Variants in CAMK2A observed in about 807,000 individuals in gnomAD.
CAMK2A encodes the protein calcium/calmodulin-dependent protein kinase type II subunit alpha.
A neutral mutation model predicts 79.2 loss-of-function variants in CAMK2A; 7 were observed. The observed-to-expected ratio is 0.09, with a 90% confidence interval of 0.05 to 0.17. The LOEUF is 0.17. Among genes scored for constraint, CAMK2A ranks in the 10% least tolerant of loss-of-function variants. The probability of loss-of-function intolerance (pLI) is 1.00; values close to 1 mark genes in which losing one functional copy is unlikely to be tolerated. For synonymous variants in CAMK2A, 242 were observed against 251.7 expected (o/e 0.96, Z 0.36); for missense variants, 214 against 646.4 (o/e 0.33, Z 7.25).
Position 150,273,060 on chromosome 5 carries a change from C to T in CAMK2A, c.157+5G>A, listed in dbSNP as rs1167743096. 2 of 1,611,772 alleles carry T rather than the reference C, an allele frequency of 1.2e-6. No homozygotes were observed. The highest frequency in any genetic ancestry group is 1.3e-5 in the African/African-American group (1 of 74,800). ...GGGTGGGCAGGGTAGAAATCAGGCA[C>T]CTACCTCTGGCTGACAGCTTCTTTG... On this transcript the variant is annotated splice_donor_5th_base_variant and intron_variant, in intron 2 of 18. Transcript: ENST00000671881.
intron 16 of CAMK2A, among the ~76,000 whole-genome samples, chr5:150,230,343 GA>G (rs35612107): frequency 0.34 from 41,287 of 122,312 alleles, 11,212 homozygotes; most frequent in East Asian, 0.56. Flanking sequence ...AAAAAAAAGG[GA>G]AAAAAAAAAG....
chr5:150,289,871 G>C, upstream of CAMK2A: 1 of 524,136 alleles, frequency 1.9e-6, no homozygotes, highest in Non-Finnish European at 3.4e-6. Context: ...CCGTTGCCCC[G>C]GTAACTGCCT....
At chr5:150,232,957 C>T (rs1754908353) in intron 15 of CAMK2A, among the ~76,000 whole-genome samples, 1 of 152,222 alleles carries the variant, frequency 6.6e-6, no homozygotes, top group Admixed American at 6.5e-5. Flanking sequence ...TGGCTCCTCG[C>T]CCAGGGCCTT....
intron 15 of CAMK2A, 172 bp downstream of exon 15, chr5:150,238,528 C>T: frequency 1.4e-6 from 1 of 721,888 alleles, no homozygotes; most frequent in Non-Finnish European, 2.6e-6. Context: ...CACCCCCGCC[C>T]TCCATGGGAA....
In CAMK2A at chr5:150,253,475, T is replaced by A. The variant is rs758099130; in HGVS notation, c.483A>T (p.Ile161=). The stretch of plus-strand genomic sequence containing the variant: ...ATGCCTGCTGCTCCCCCTCCACCTC[T>A]ATGGCCAGGCCAAAGTCTGCCAGCT... ...AVKLADFGLA[I]EVEGEQQAWF... The change falls in exon 7 of 19, where the codon ATA becomes ATT. Residue 161 remains isoleucine (I), a synonymous_variant. Coordinates refer to ENST00000671881, the MANE Select transcript of CAMK2A (RefSeq NM_015981.4). 13 of 1,614,062 alleles carry A rather than the reference T, an allele frequency of 8.1e-6. No homozygotes were observed. Among genetic ancestry groups the A allele is most frequent in the African/African-American group, 1.3e-5 (1 of 74,950 alleles).
intron 15 of CAMK2A, among the ~76,000 whole-genome samples, chr5:150,237,279 T>C (rs749767791): frequency 2.0e-5 from 3 of 152,190 alleles, no homozygotes; most frequent in Non-Finnish European, 4.4e-5. Flanking sequence ...ACAATGCTCT[T>C]TTTCCCATCT....
At chr5:150,288,605 C>G (rs893004917) in intron 1 of CAMK2A, among the ~76,000 whole-genome samples, 3 of 152,186 alleles carry the variant, frequency 2.0e-5, no homozygotes, top group Admixed American at 2.0e-4. Flanking sequence ...AGGGCCCCTC[C>G]CCCCGTGCTC....
At chr5:150,281,522 A>G (rs1562204317) in intron 1 of CAMK2A, among the ~76,000 whole-genome samples, 3 of 151,892 alleles carry the variant, frequency 2.0e-5, no homozygotes, top group Admixed American at 1.3e-4. Context: ...TTTGAAGTCC[A>G]CCCCCTCCTA....
intron 12 of CAMK2A, 62 bp from the exon 13 acceptor site, chr5:150,245,263 G>A (rs1029029997): frequency 7.1e-6 from 11 of 1,540,514 alleles, no homozygotes; most frequent in African/African-American, 2.7e-5. Flanking sequence ...CCCACAGGGC[G>A]AGGACGAGCA....
intron 3 of CAMK2A, among the ~76,000 whole-genome samples, chr5:150,260,848 C>A (rs190568147): frequency 2.0e-5 from 3 of 152,340 alleles, no homozygotes; most frequent in African/African-American, 4.8e-5. Flanking sequence ...ACTCTTCCCT[C>A]TCCCTGCCTT....
chr5:150,270,680 C>T (rs528350229), intron 2 of CAMK2A, among the ~76,000 whole-genome samples: 70 of 152,098 alleles, frequency 4.6e-4, no homozygotes, highest in Non-Finnish European at 7.4e-4. Flanking sequence ...GGAAGAAAAG[C>T]GGCTGGCAGT....
At chr5:150,231,235 A>G in intron 16 of CAMK2A, 70 bp downstream of exon 16, 1 of 798,878 alleles carries the variant, frequency 1.3e-6, no homozygotes, top group Non-Finnish European at 2.0e-6. Flanking sequence ...AAGGACCCCC[A>G]AAGTTAGCCA....
chr5:150,238,695 C>T lies in CAMK2A; in HGVS notation c.1066+5G>A. On this transcript the variant is annotated splice_donor_5th_base_variant and intron_variant, in intron 15 of 18. Transcript: ENST00000671881. ...GGGGTCCCGACACTGAAGGCCCCTC[C>T]CTACCTTTGGTGTCTTCATCCTCGA... 1 of 1,603,992 alleles carries T rather than the reference C, an allele frequency of 6.2e-7. No individual in the cohort carries two copies. Among genetic ancestry groups the T allele is most frequent in the Non-Finnish European group, 8.5e-7 (1 of 1,174,158 alleles).
intron 13 of CAMK2A, among the ~76,000 whole-genome samples, chr5:150,240,286 G>A (rs151292299): frequency 3.0e-4 from 45 of 152,270 alleles, no homozygotes; most frequent in African/African-American, 9.1e-4. Flanking sequence ...TCTGGGGTGC[G>A]GCCTGAGCAT....
chr5:150,242,326 G>A (rs1320995502), intron 13 of CAMK2A, among the ~76,000 whole-genome samples: 1 of 152,150 alleles, frequency 6.6e-6, no homozygotes, highest in Non-Finnish European at 1.5e-5. Flanking sequence ...AATCACATGT[G>A]GAAGCATGGT....
intron 1 of CAMK2A, among the ~76,000 whole-genome samples, chr5:150,276,132 G>A (rs1756934405): frequency 6.6e-6 from 1 of 152,206 alleles, no homozygotes; most frequent in Non-Finnish European, 1.5e-5. Context: ...GATGCTGTTA[G>A]TACCCCCATC....
At chr5:150,251,460 A>G (rs1305149033) in intron 9 of CAMK2A, among the ~76,000 whole-genome samples, 2 of 152,160 alleles carry the variant, frequency 1.3e-5, no homozygotes, top group Middle Eastern at 3.2e-3. Flanking sequence ...AGAGAGTGCT[A>G]TAGAATTGTT....
chr5:150,250,502 G>A (rs1371188472), intron 10 of CAMK2A, among the ~76,000 whole-genome samples, 186 bp downstream of exon 10: 1 of 152,232 alleles, frequency 6.6e-6, no homozygotes, highest in Admixed American at 6.5e-5. Context: ...AGCACCATCA[G>A]TTGTATGCCA....
chr5:150,228,294 A>G lies in CAMK2A; in HGVS notation c.1143-8T>C. The G allele has an allele frequency of 2.5e-6, 4 of 1,610,710 alleles. No individual in the cohort carries two copies. Among genetic ancestry groups the G allele is most frequent in the Non-Finnish European group, 3.4e-6 (4 of 1,177,498 alleles). Reference sequence around the variant, plus strand: ...CCAGGGTCGCACATCTTCCTGGGGGAAAGAAGCCAGAGGGAAGAGGGACTG... The same window carrying G: ...CCAGGGTCGCACATCTTCCTGGGGGGAAGAAGCCAGAGGGAAGAGGGACTG... On this transcript the variant is annotated splice_polypyrimidine_tract_variant and splice_region_variant and intron_variant, in intron 16 of 18. Coordinates refer to ENST00000671881, the MANE Select transcript of CAMK2A (RefSeq NM_015981.4).
Sources: gnomAD v4.1 joint callset for allele counts (sites outside exome capture counted in the v4.1 genomes callset) on GRCh38, gnomAD v4.1.1 for gene constraint, MANE v1.5 for transcripts, NCBI Gene and HGNC (gene_info 2026-07-23, HGNC 2026-07-21) for gene names.